The following TANC2 variants were observed in gnomAD, a reference collection of about 807,000 sequenced individuals.
TANC2 encodes protein TANC2.
TANC2 carries 26 observed loss-of-function variants against 210.5 expected under a neutral mutation model. That is an observed-to-expected ratio of 0.12 (90% CI 0.09 to 0.17). TANC2 has a LOEUF of 0.17. TANC2 is among the 10% of genes least tolerant of loss of function. TANC2 has a pLI of 1.00. For missense variants in TANC2, 2,129 were observed against 2,608.9 expected (o/e 0.82, Z 4.01); for synonymous variants, 931 against 967.1 (o/e 0.96, Z 0.69).
In TANC2 at chr17:63,412,627, C is replaced by A; in HGVS notation, c.3899-53C>A. The A allele has an allele frequency of 7.2e-7, 1 of 1,389,716 alleles. No individual in the cohort carries two copies. The highest frequency in any genetic ancestry group is 9.7e-7 in the Non-Finnish European group (1 of 1,026,700). 86.1% of individuals were successfully genotyped at this position (1,389,716 alleles called of 1,614,324 possible). Reference sequence around the variant, plus strand: ...TCCTTCTTTTTTTTTTTTTCACCTTCATCCATTTTTTTTTCCTCTCCTACA... The same window carrying A: ...TCCTTCTTTTTTTTTTTTTCACCTTAATCCATTTTTTTTTCCTCTCCTACA... On this transcript the variant is annotated intron_variant, in intron 23 of 27. Coordinates refer to ENST00000689528, the Ensembl canonical transcript of TANC2. The surrounding 1 kb of genome is among the most constrained non-coding windows in gnomAD (Gnocchi z 4.2).
chr17:63,138,595 T>C (rs1297873836), intron 4 of TANC2, among the ~76,000 whole-genome samples: 2 of 152,136 alleles, frequency 1.3e-5, no homozygotes, highest in Admixed American at 6.6e-5. Flanking sequence ...TCTTCTTCTA[T>C]CCTCTGAAAT....
At chr17:63,354,899 G>T in exon 14 of TANC2, 2 of 1,613,800 alleles carry the variant, frequency 1.2e-6, no homozygotes, top group Non-Finnish European at 8.5e-7. Context: ...GCAGCTCAGA[G>T]ATCCAGAATA....
chr17:63,036,414 A>G (rs192483299), intron 2 of TANC2, among the ~76,000 whole-genome samples: 33 of 152,258 alleles, frequency 2.2e-4, no homozygotes, highest in African/African-American at 7.5e-4. Context: ...TTAAAAATCA[A>G]TTGACTGTAT....
exon 28 of TANC2, chr17:63,423,131 A>G (rs1301223249): frequency 2.0e-5 from 3 of 152,214 alleles, no homozygotes; most frequent in Admixed American, 6.5e-5. Flanking sequence ...TTTGAGATCT[A>G]TAGTTTGATT....
At chr17:63,397,199 C>T (rs985207247) in intron 18 of TANC2, among the ~76,000 whole-genome samples, 6 of 151,964 alleles carry the variant, frequency 3.9e-5, no homozygotes, top group Admixed American at 6.6e-5. Context: ...CGCCTGAACC[C>T]GGGAGGTGGA....
intron 16 of TANC2, 43 bp downstream of exon 16, chr17:63,388,800 A>T (rs369556495): frequency 2.3e-5 from 32 of 1,414,658 alleles, no homozygotes; most frequent in Non-Finnish European, 2.8e-5. Context: ...GGAATTAACT[A>T]TGAAAAAATA....
intron 1 of TANC2, among the ~76,000 whole-genome samples, chr17:62,976,872 C>T (rs2032032822): frequency 6.6e-6 from 1 of 152,200 alleles, no homozygotes; most frequent in African/African-American, 2.4e-5. Context: ...CAAGTTACTT[C>T]CTCCTTCCTT....
intron 4 of TANC2, chr17:63,150,998 A>G (rs1484603953): frequency 6.6e-6 from 1 of 151,864 alleles, no homozygotes; most frequent in Non-Finnish European, 1.5e-5. Context: ...AGTGACTTTT[A>G]ACAAGACCCA....
chr17:63,037,063 A>G (rs2144207820), intron 2 of TANC2, among the ~76,000 whole-genome samples: 1 of 152,272 alleles, frequency 6.6e-6, no homozygotes, highest in South Asian at 2.1e-4. Flanking sequence ...GTAAAATAGA[A>G]CAATTATTAT....
intron 7 of TANC2, among the ~76,000 whole-genome samples, chr17:63,236,294 G>A (rs1046252586): frequency 6.6e-6 from 1 of 151,990 alleles, no homozygotes; most frequent in African/African-American, 2.4e-5. Flanking sequence ...ACTGATACAT[G>A]AATTTTTTTA....
chr17:63,366,422 A>G (rs2047111598), intron 14 of TANC2, among the ~76,000 whole-genome samples: 1 of 152,222 alleles, frequency 6.6e-6, no homozygotes, highest in South Asian at 2.1e-4. Flanking sequence ...GCTGAGGGGC[A>G]TGGAGGAGGA....
At chr17:63,338,224 C>T (rs2046102089) in intron 11 of TANC2, among the ~76,000 whole-genome samples, 1 of 152,210 alleles carries the variant, frequency 6.6e-6, no homozygotes, top group South Asian at 2.1e-4. Context: ...CTAATTTACA[C>T]TCCCACCAAC....
At chr17:63,395,184 A>G (rs1012626693) in intron 17 of TANC2, among the ~76,000 whole-genome samples, 1 of 152,250 alleles carries the variant, frequency 6.6e-6, no homozygotes, top group Non-Finnish European at 1.5e-5. Context: ...GCACTAAGCC[A>G]GAAGTGCCTC....
At chr17:63,060,164 A>G (rs1296681971) in intron 2 of TANC2, among the ~76,000 whole-genome samples, 4 of 152,184 alleles carry the variant, frequency 2.6e-5, no homozygotes, top group Non-Finnish European at 5.9e-5. Context: ...ATCCCTCCTT[A>G]TATAGAGAGT....
intron 4 of TANC2, chr17:63,148,930 A>G (rs747044259): frequency 2.0e-5 from 3 of 152,150 alleles, no homozygotes; most frequent in Non-Finnish European, 4.4e-5. Flanking sequence ...CTTACAAATG[A>G]CACTAGTTTT....
rs1555654871 is a variant in TANC2 at position 63,410,345 on chromosome 17, C to CCG, written c.3590-1165_3590-1164insGC. Among the ~76,000 whole-genome samples the CCG allele has an allele frequency of 2.2e-3, 326 of 146,662 alleles. 2 individuals carry two copies. Among genetic ancestry groups the CCG allele is most frequent in the Middle Eastern group, 0.01 (3 of 286 alleles). On this transcript the variant is annotated intron_variant, in intron 21 of 27. Coordinates refer to ENST00000689528, the Ensembl canonical transcript of TANC2. ...GACCAACATCTCTCCAATCCCCCCC[C>CCG]CCCATCTCCTAGTTTCTGGTAACCA...
At position 63,194,145 on chromosome 17, in the gene TANC2, C is replaced by T. The variant is rs2041269873; in HGVS notation, c.582+6C>T. 1 of 1,610,732 alleles carries T rather than the reference C, an allele frequency of 6.2e-7. No individual in the cohort carries two copies. The highest frequency in any genetic ancestry group is 8.5e-7 in the Non-Finnish European group (1 of 1,178,518). ...AAGTACAGGATGAAAATCAGGTAAG[C>T]TGTTTGCTATCACCTTTGTGAAACA... On this transcript the variant is annotated splice_donor_region_variant and intron_variant, in intron 6 of 27. Coordinates refer to ENST00000689528, the Ensembl canonical transcript of TANC2.
At chr17:63,146,875 A>G (rs1318081279) in intron 4 of TANC2, among the ~76,000 whole-genome samples, 1 of 152,128 alleles carries the variant, frequency 6.6e-6, no homozygotes, top group Non-Finnish European at 1.5e-5. Flanking sequence ...CCTGCCTCCC[A>G]GGTGATCATG....
intron 4 of TANC2, among the ~76,000 whole-genome samples, chr17:63,145,732 G>A (rs2039440836): frequency 6.6e-6 from 1 of 152,016 alleles, no homozygotes; most frequent in Non-Finnish European, 1.5e-5. Context: ...TTTCTGGCCA[G>A]CCTTTTCTAT....
Sources: allele counts gnomAD v4.1 joint callset (sites outside exome capture counted in the v4.1 genomes callset), GRCh38; gene constraint gnomAD v4.1.1; non-coding constraint Gnocchi (gnomAD v3.1); transcripts MANE v1.5; gene names NCBI Gene and HGNC (gene_info 2026-07-23, HGNC 2026-07-21).